The following TASP1 variants were observed in gnomAD, a reference collection of about 807,000 sequenced individuals.
The protein encoded by TASP1 is threonine aspartase 1.
A neutral mutation model predicts 56.6 loss-of-function variants in TASP1; 16 were observed. The observed-to-expected ratio is 0.28, with a 90% CI of 0.19 to 0.43. The LOEUF (loss-of-function observed/expected upper bound fraction) is 0.43. TASP1 is among the 20% of genes least tolerant of loss of function. The probability of loss-of-function intolerance (pLI) is 1.00; values close to 1 mark genes in which losing one functional copy is unlikely to be tolerated. For synonymous variants in TASP1, 179 were observed against 184.2 expected, an observed-to-expected ratio of 0.97 and a Z score of 0.23; for missense variants, 393 against 511.6, an observed-to-expected ratio of 0.77 and a Z score of 2.24.
the TASP1 span, among the ~76,000 whole-genome samples, chr20:13,217,821 A>C: frequency 6.6e-6 from 1 of 152,232 alleles, no homozygotes; most frequent in Non-Finnish European, 1.5e-5. Flanking sequence ...AAACATCCCT[A>C]CATCACAATG....
intron 10 of TASP1, among the ~76,000 whole-genome samples, chr20:13,516,658 GTTTT>G (rs34296221): frequency 1.3e-3 from 168 of 124,836 alleles, no homozygotes; most frequent in Non-Finnish European, 2.1e-3. Context: ...TTACGCCTTT[GTTTT>G]TTTTTTTTTT....
At chr20:13,128,962 C>T in the TASP1 span, among the ~76,000 whole-genome samples, 9 of 151,574 alleles carry the variant, frequency 5.9e-5, no homozygotes, top group Non-Finnish European at 7.4e-5. Flanking sequence ...CTGCAACCTC[C>T]GCCTCCTGGG....
chr20:13,366,143 G>T, the TASP1 span, among the ~76,000 whole-genome samples: 1 of 152,190 alleles, frequency 6.6e-6, no homozygotes, highest in Non-Finnish European at 1.5e-5. Flanking sequence ...GACATATTTG[G>T]AAATGCTTTA....
the TASP1 span, among the ~76,000 whole-genome samples, chr20:13,171,891 T>C: frequency 1.3e-5 from 2 of 152,082 alleles, no homozygotes; most frequent in South Asian, 4.1e-4. Context: ...GTCAACCTGA[T>C]TGTATAAAGA....
chr20:13,118,229 G>A, the TASP1 span, among the ~76,000 whole-genome samples: 2 of 152,074 alleles, frequency 1.3e-5, no homozygotes, highest in Non-Finnish European at 2.9e-5. Context: ...CAAGTTGTGG[G>A]TTTTAAGAGT....
chr20:13,399,619 T>A (rs1292480062), intron 13 of TASP1, among the ~76,000 whole-genome samples: 1 of 152,234 alleles, frequency 6.6e-6, no homozygotes, highest in East Asian at 1.9e-4. Context: ...AGAAGCCAAC[T>A]ACTTCTCACC....
chr20:13,233,042 C>T, the TASP1 span, among the ~76,000 whole-genome samples: 2 of 149,932 alleles, frequency 1.3e-5, no homozygotes, highest in East Asian at 3.9e-4. Flanking sequence ...AAAAAGAAAA[C>T]AGGCCGGAAA....
the TASP1 span, among the ~76,000 whole-genome samples, chr20:13,321,724 A>G: frequency 6.6e-6 from 1 of 152,184 alleles, no homozygotes; most frequent in Non-Finnish European, 1.5e-5. Flanking sequence ...ATATAAATAC[A>G]TAACTATTTT....
rs573001547 is a variant in TASP1, at chr20:13,523,966, C to A, written c.874+4467G>T. Among the ~76,000 whole-genome samples the A allele has an allele frequency of 1.4e-3, 215 of 151,928 alleles. 1 individual carries two copies. Among genetic ancestry groups the A allele is most frequent in the Non-Finnish European group, 2.2e-3 (149 of 67,930 alleles). On this transcript the variant is annotated intron_variant, in intron 10 of 13. Coordinates refer to ENST00000337743, the MANE Select transcript of TASP1 (RefSeq NM_017714.3). The stretch of plus-strand genomic sequence containing the variant: ...GAGTTCAAGACCAGCCCGGGCAACA[C>A]AGCAAGATCCTGTCTCTACAAAAAA...
At chr20:13,544,197 T>C (rs1245479605) in intron 8 of TASP1, among the ~76,000 whole-genome samples, 1 of 152,238 alleles carries the variant, frequency 6.6e-6, no homozygotes, top group Non-Finnish European at 1.5e-5. Context: ...ATTGGTCCCA[T>C]ATTGCTATAT....
chr20:13,332,987 A>G, the TASP1 span, among the ~76,000 whole-genome samples: 1,169 of 152,324 alleles, frequency 7.7e-3, 18 homozygotes, highest in African/African-American at 0.026. Context: ...GCAAATGTGC[A>G]GCAAAGGAGA....
At chr20:13,514,851 G>A (rs1051296699) in intron 10 of TASP1, among the ~76,000 whole-genome samples, 2 of 152,056 alleles carry the variant, frequency 1.3e-5, no homozygotes, top group African/African-American at 4.8e-5. Context: ...TTTATACTGT[G>A]GGCTGGATCA....
rs574231793 is a variant in TASP1, at chr20:13,605,010, A to ATG, written c.283-17641_283-17640insCA. Among the ~76,000 whole-genome samples, 475 of 147,502 alleles carry ATG rather than the reference A, an allele frequency of 3.2e-3. 3 individuals carry two copies. The highest frequency in any genetic ancestry group is 7.1e-3 in the Middle Eastern group (2 of 282). ...TACATATATATATATATATATATAT[A>ATG]TATGTATTTCTTATACACCCAACAA... On this transcript the variant is annotated intron_variant, in intron 4 of 13. Coordinates refer to ENST00000337743, the MANE Select transcript of TASP1 (RefSeq NM_017714.3).
At chr20:13,469,418 T>C (rs1341490001) in intron 11 of TASP1, among the ~76,000 whole-genome samples, 3 of 152,176 alleles carry the variant, frequency 2.0e-5, no homozygotes, top group Non-Finnish European at 4.4e-5. Context: ...GAGCCCAAAA[T>C]CCAAGAAGTT....
the TASP1 span, among the ~76,000 whole-genome samples, chr20:13,147,548 G>A: frequency 3.3e-5 from 5 of 152,134 alleles, no homozygotes; most frequent in Non-Finnish European, 7.4e-5. Flanking sequence ...AAAAGTCCAG[G>A]GTAAACTGGC....
chr20:13,133,648 C>A, the TASP1 span, among the ~76,000 whole-genome samples: 1 of 152,112 alleles, frequency 6.6e-6, no homozygotes, highest in Non-Finnish European at 1.5e-5. Flanking sequence ...GCAAGAGAAT[C>A]GCTTGAGCCC....
chr20:13,282,478 A>T, the TASP1 span, among the ~76,000 whole-genome samples: 1 of 152,194 alleles, frequency 6.6e-6, no homozygotes, highest in Non-Finnish European at 1.5e-5. Flanking sequence ...AGCATTAAGA[A>T]CACCCCCTCT....
intron 4 of TASP1, among the ~76,000 whole-genome samples, chr20:13,588,587 AC>A (rs759600731): frequency 6.6e-6 from 1 of 152,218 alleles, no homozygotes; most frequent in Non-Finnish European, 1.5e-5. Context: ...AAACAAAAAA[AC>A]AGAAATACAT....
chr20:13,175,106 G>A, the TASP1 span, among the ~76,000 whole-genome samples: 1 of 152,300 alleles, frequency 6.6e-6, no homozygotes, highest in East Asian at 1.9e-4. Context: ...AAATTACCCA[G>A]TCTCAGGTAT....
Sources: allele counts gnomAD v4.1 joint callset (sites outside exome capture counted in the v4.1 genomes callset), GRCh38; gene constraint gnomAD v4.1.1; transcripts MANE v1.5; gene names NCBI Gene and HGNC (gene_info 2026-07-23, HGNC 2026-07-21).